Variants in SPOCK3 observed in about 807,000 individuals in gnomAD.
SPOCK3 encodes the protein testican-3.
Under a neutral mutation model 56.6 loss-of-function variants are expected in SPOCK3, and 30 were observed. That is an observed-to-expected ratio of 0.53 (90% CI 0.40 to 0.72). The LOEUF (loss-of-function observed/expected upper bound fraction) is 0.72. SPOCK3 is among the 30% of genes least tolerant of loss of function. SPOCK3 has a pLI of 0.00. For missense variants in SPOCK3, 527 were observed against 530.0 expected, an observed-to-expected ratio of 0.99 and a Z score of 0.06; for synonymous variants, 196 against 183.3, an observed-to-expected ratio of 1.07 and a Z score of -0.56.
intron 2 of SPOCK3, among the ~76,000 whole-genome samples, chr4:167,222,955 T>C (rs1736146957): frequency 7.8e-6 from 1 of 127,664 alleles, no homozygotes; most frequent in South Asian, 2.3e-4. Context: ...ATATAATATA[T>C]ATTATACATA....
intron 2 of SPOCK3, among the ~76,000 whole-genome samples, chr4:167,160,240 A>G (rs1157300797): frequency 2.0e-5 from 3 of 152,186 alleles, no homozygotes; most frequent in Non-Finnish European, 2.9e-5. Flanking sequence ...ATTCTTATAC[A>G]CCAATAACGG....
intron 2 of SPOCK3, among the ~76,000 whole-genome samples, chr4:167,154,439 A>T (rs1055470358): frequency 6.6e-6 from 1 of 152,220 alleles, no homozygotes; most frequent in East Asian, 1.9e-4. Context: ...AAATGAGGTT[A>T]TTTTTCCAAT....
chr4:166,793,982 G>A (rs1200212939), intron 6 of SPOCK3, among the ~76,000 whole-genome samples: 1 of 151,984 alleles, frequency 6.6e-6, no homozygotes, highest in Non-Finnish European at 1.5e-5. Context: ...AGAGAGAGGT[G>A]AAGGGCATTT....
At chr4:167,162,069 C>G (rs932400201) in intron 2 of SPOCK3, among the ~76,000 whole-genome samples, 1 of 151,786 alleles carries the variant, frequency 6.6e-6, no homozygotes, top group African/African-American at 2.4e-5. Context: ...ACAGAGAAGG[C>G]TCTGGACAAA....
intron 3 of SPOCK3, among the ~76,000 whole-genome samples, chr4:167,026,620 A>T (rs1341887706): frequency 6.6e-6 from 1 of 151,998 alleles, no homozygotes; most frequent in Non-Finnish European, 1.5e-5. Context: ...GCTCTTCCCT[A>T]TTGTTTGAAG....
At chr4:167,148,876 G>T (rs1764187394) in intron 2 of SPOCK3, among the ~76,000 whole-genome samples, 1 of 151,882 alleles carries the variant, frequency 6.6e-6, no homozygotes, top group Non-Finnish European at 1.5e-5. Context: ...GTTCTGAAAA[G>T]CTAAAAAAAA....
intron 7 of SPOCK3, among the ~76,000 whole-genome samples, chr4:166,765,639 CT>C (rs1737915092): frequency 6.6e-6 from 1 of 152,092 alleles, no homozygotes. Flanking sequence ...CAGCTTTGTT[CT>C]TTTGGCTTAG....
At chr4:167,231,835 G>A (rs1018773570) in intron 2 of SPOCK3, among the ~76,000 whole-genome samples, 6 of 152,146 alleles carry the variant, frequency 3.9e-5, no homozygotes, top group African/African-American at 7.2e-5. Context: ...GCATTTATCC[G>A]CTCCATTCCC....
chr4:166,829,019 T>C (rs1431558681), intron 6 of SPOCK3, among the ~76,000 whole-genome samples: 1 of 152,010 alleles, frequency 6.6e-6, no homozygotes, highest in Non-Finnish European at 1.5e-5. Context: ...TTATGAGGAT[T>C]TTAATTAGCC....
intron 6 of SPOCK3, among the ~76,000 whole-genome samples, chr4:166,811,641 G>A (rs1357965976): frequency 6.6e-6 from 1 of 151,784 alleles, no homozygotes; most frequent in Non-Finnish European, 1.5e-5. Context: ...TAAGATAAGA[G>A]ATTGGTGATT....
intron 6 of SPOCK3, among the ~76,000 whole-genome samples, chr4:166,814,890 T>A (rs1744225409): frequency 6.6e-6 from 1 of 152,066 alleles, no homozygotes; most frequent in Non-Finnish European, 1.5e-5. Flanking sequence ...TTTTCTCTAG[T>A]TAAAAATGTA....
chr4:167,200,578 T>A (rs1733422724), intron 2 of SPOCK3, among the ~76,000 whole-genome samples: 1 of 151,966 alleles, frequency 6.6e-6, no homozygotes, highest in African/African-American at 2.4e-5. Flanking sequence ...TTACAACTGA[T>A]AACAGCTATG....
intron 2 of SPOCK3, among the ~76,000 whole-genome samples, chr4:167,098,103 G>C (rs571572114): frequency 6.6e-6 from 1 of 152,062 alleles, no homozygotes. Context: ...CGGCAGGAAT[G>C]CCTTTATCCC....
At chr4:166,889,063 A>T in intron 6 of SPOCK3, 67 bp downstream of exon 6, 1 of 934,448 alleles carries the variant, frequency 1.1e-6, no homozygotes, top group East Asian at 2.5e-5. Flanking sequence ...TAATGACAAC[A>T]TCTATTGCAA....
At chr4:166,971,007 G>T (rs77043118) in intron 4 of SPOCK3, among the ~76,000 whole-genome samples, 7 of 152,026 alleles carry the variant, frequency 4.6e-5, no homozygotes, top group African/African-American at 1.7e-4. Context: ...GATTATAGGC[G>T]CATACCAGCA....
intron 3 of SPOCK3, among the ~76,000 whole-genome samples, chr4:167,037,744 G>C (rs1453751837): frequency 6.6e-6 from 1 of 152,168 alleles, no homozygotes; most frequent in East Asian, 1.9e-4. Flanking sequence ...CCTAACTTAA[G>C]TGGAGGTGGC....
Position 166,749,250 on chromosome 4 carries a change from A to G in SPOCK3, c.931+5258T>C, listed in dbSNP as rs541691851. Among the ~76,000 whole-genome samples the G allele has an allele frequency of 4.3e-5, 6 of 137,974 alleles. 3 individuals are homozygous for G. Among genetic ancestry groups the G allele is most frequent in the African/African-American group, 1.8e-4 (6 of 32,632 alleles). The allele number at this position is 137,974 out of a possible 152,430, so 90.5% of individuals were successfully genotyped here. A position where few individuals can be genotyped will look rare whatever the true frequency, so the allele number is the denominator to read the frequency against. On this transcript the variant is annotated intron_variant, in intron 8 of 10. Transcript: ENST00000357545. ...TTGGAACCAACCCAAATGTCCATCA[A>G]TGATAGAATGGTTTAAGAAAATGTG...
chr4:166,764,146 C>A (rs1472981044), intron 7 of SPOCK3, among the ~76,000 whole-genome samples: 1 of 152,024 alleles, frequency 6.6e-6, no homozygotes, highest in Non-Finnish European at 1.5e-5. Flanking sequence ...ATTTCTTCCA[C>A]TTCCTTTTCC....
intron 2 of SPOCK3, among the ~76,000 whole-genome samples, chr4:167,147,841 G>A (rs1764098582): frequency 6.6e-6 from 1 of 152,058 alleles, no homozygotes; most frequent in Non-Finnish European, 1.5e-5. Flanking sequence ...GATAACATTA[G>A]GAGAAATATC....
Sources: allele counts gnomAD v4.1 joint callset (sites outside exome capture counted in the v4.1 genomes callset), GRCh38; gene constraint gnomAD v4.1.1; transcripts MANE v1.5; gene names NCBI Gene and HGNC (gene_info 2026-07-23, HGNC 2026-07-21).